MYO10: variants seen among roughly 807,000 people sequenced by gnomAD.
The protein encoded by MYO10 is myosin X.
A neutral mutation model predicts 257.3 loss-of-function variants in MYO10; 133 were observed. That is an observed-to-expected ratio of 0.52 (90% confidence interval 0.45 to 0.60). MYO10 has a LOEUF of 0.60. Among genes scored for constraint, MYO10 ranks in the 20% least tolerant of loss-of-function variants. The pLI is 0.00. For missense variants in MYO10, 2,399 were observed against 2,635.7 expected (o/e 0.91, Z 1.97); for synonymous variants, 1,104 against 1,028.6 (o/e 1.07, Z -1.40).
intron 31 of MYO10, 101 bp from the exon 32 acceptor site, chr5:16,681,604 C>A: frequency 7.8e-7 from 1 of 1,287,094 alleles, no homozygotes; most frequent in Non-Finnish European, 1.1e-6. Context: ...GGGTTTCTAG[C>A]TGTTTGCCAG....
chr5:16,922,013 G>A (rs77538078), intron 1 of MYO10, among the ~76,000 whole-genome samples: 14 of 152,162 alleles, frequency 9.2e-5, no homozygotes, highest in Non-Finnish European at 1.2e-4. Context: ...TCAGGAGTTC[G>A]AGACCACCCT....
intron 1 of MYO10, among the ~76,000 whole-genome samples, chr5:16,922,149 G>A (rs1580154279): frequency 2.0e-5 from 3 of 151,986 alleles, no homozygotes; most frequent in South Asian, 2.1e-4. Flanking sequence ...GGGAGGCAGA[G>A]GCTGCAGTGA....
chr5:16,729,107 T>G (rs566843982), intron 19 of MYO10, among the ~76,000 whole-genome samples: 1 of 152,332 alleles, frequency 6.6e-6, no homozygotes, highest in South Asian at 2.1e-4. Flanking sequence ...TTGAGATGCA[T>G]TGTTCTAGAA....
intron 18 of MYO10, among the ~76,000 whole-genome samples, chr5:16,756,644 G>C (rs930125412): frequency 6.6e-6 from 1 of 152,094 alleles, no homozygotes; most frequent in African/African-American, 2.4e-5. Flanking sequence ...ATTCTCACGA[G>C]GTGTCCTGTC....
At chr5:16,710,029 C>T (rs974798543) in intron 21 of MYO10, among the ~76,000 whole-genome samples, 1 of 152,178 alleles carries the variant, frequency 6.6e-6, no homozygotes, top group Non-Finnish European at 1.5e-5. Flanking sequence ...TCTTTCCTTT[C>T]CTCTTTTTAT....
chr5:16,900,970 C>T (rs1745361764), intron 1 of MYO10, among the ~76,000 whole-genome samples: 1 of 152,084 alleles, frequency 6.6e-6, no homozygotes, highest in Non-Finnish European at 1.5e-5. Flanking sequence ...AAACTCCTGA[C>T]CTGAGGTGAT....
chr5:16,789,403 G>T (rs1176117553), intron 4 of MYO10, among the ~76,000 whole-genome samples: 16 of 152,120 alleles, frequency 1.1e-4, no homozygotes, highest in Admixed American at 1.0e-3. Flanking sequence ...AGATGAACTT[G>T]GGAAACTTCT....
At chr5:16,861,800 G>T (rs1477476840) in intron 2 of MYO10, among the ~76,000 whole-genome samples, 1 of 152,104 alleles carries the variant, frequency 6.6e-6, no homozygotes, top group Non-Finnish European at 1.5e-5. Context: ...TGAAAAAGTG[G>T]AAAGATGATA....
intron 2 of MYO10, chr5:16,853,971 A>G (rs1743888623): frequency 6.6e-6 from 1 of 152,226 alleles, no homozygotes; most frequent in East Asian, 1.9e-4. Context: ...ATATGAGACT[A>G]TAACTAGAAA....
At chr5:16,771,630 C>T (rs1340648982) in intron 9 of MYO10, among the ~76,000 whole-genome samples, 3 of 149,966 alleles carry the variant, frequency 2.0e-5, no homozygotes, top group South Asian at 2.1e-4. Flanking sequence ...CCTGCACTGG[C>T]GGGCAGTGGT....
chr5:16,932,385 T>A (rs1746315307), intron 1 of MYO10, among the ~76,000 whole-genome samples: 1 of 152,184 alleles, frequency 6.6e-6, no homozygotes, highest in Non-Finnish European at 1.5e-5. Context: ...CCTGAAGACA[T>A]GAAAACAGTG....
At chr5:16,764,113 C>T (rs1740798472) in intron 12 of MYO10, 137 bp downstream of exon 12, 2 of 1,023,606 alleles carry the variant, frequency 2.0e-6, no homozygotes, top group African/African-American at 1.6e-5. Context: ...CGCCACTGCA[C>T]TCCAGCCTGG....
intron 39 of MYO10, 74 bp downstream of exon 39, chr5:16,670,452 A>G: frequency 2.2e-6 from 3 of 1,348,776 alleles, no homozygotes; most frequent in African/African-American, 1.5e-5. Flanking sequence ...TTCTCTCCAC[A>G]TGAACTTGGC....
intron 21 of MYO10, among the ~76,000 whole-genome samples, chr5:16,709,128 G>C (rs1332187402): frequency 6.6e-6 from 1 of 152,226 alleles, no homozygotes; most frequent in African/African-American, 2.4e-5. Context: ...TCAGGGCTAA[G>C]AAGAGGATGA....
intron 2 of MYO10, among the ~76,000 whole-genome samples, chr5:16,821,111 T>G (rs1181975529): frequency 1.4e-5 from 2 of 147,474 alleles, no homozygotes; most frequent in South Asian, 2.1e-4. Context: ...ATATAATATA[T>G]AAAATGTTTT....
chr5:16,822,390 G>A (rs1742847170), intron 2 of MYO10, among the ~76,000 whole-genome samples: 1 of 152,160 alleles, frequency 6.6e-6, no homozygotes, highest in Non-Finnish European at 1.5e-5. Flanking sequence ...TGGGGATCGA[G>A]CTTACATTCC....
Position 16,665,579 on chromosome 5 carries a change from T to A in MYO10, c.*1113A>T, listed in dbSNP as rs1217810497. ...AAAGCCTCAGCATTTAATGTCAGGG[T>A]CCTTTGAAGATTCACTCAAGTGTTA... On this transcript the variant is annotated 3_prime_UTR_variant, in exon 41 of 41. Coordinates refer to ENST00000513610, the MANE Select transcript of MYO10 (RefSeq NM_012334.3). 6.6e-6 allele frequency: 1 copy of A among 152,194 alleles called. No homozygotes were observed. The highest frequency in any genetic ancestry group is 1.5e-5 in the Non-Finnish European group (1 of 68,036). The allele number at this position is 152,194 out of a possible 1,614,324, so 9.4% of individuals were successfully genotyped here. A position where few individuals can be genotyped will look rare whatever the true frequency, so the allele number is the denominator to read the frequency against.
chr5:16,710,967 T>C lies in MYO10; in HGVS notation c.2110A>G (p.Thr704Ala). The change falls in exon 21 of 41, where the codon ACG becomes GCG. Residue 704 changes from threonine (T) to alanine (A), a missense_variant. By Grantham distance (58) the Thr-to-Ala change is moderately conservative. Around this residue, in one of 3 missense-constraint regions of MYO10, gnomAD observed 1,820 missense variants for 1,939.4 expected, o/e 0.94. Transcript: ENST00000513610. Reference protein sequence around the residue: ...ALPEDVRGKCTSLLQLYDASN... With the variant: ...ALPEDVRGKCASLLQLYDASN... The stretch of plus-strand genomic sequence containing the variant: ...GCATCATAGAGCTGCAGCAGGCTCG[T>C]GCACTTCCCTCGGACGTCCTCAGGC... 1 of 1,613,958 alleles carries C rather than the reference T, an allele frequency of 6.2e-7. No homozygotes were observed. The highest frequency in any genetic ancestry group is 8.5e-7 in the Non-Finnish European group (1 of 1,179,886).
chr5:16,861,254 A>AT (rs141940190), intron 2 of MYO10, among the ~76,000 whole-genome samples: 5,571 of 149,210 alleles, frequency 0.037, 362 homozygotes, highest in African/African-American at 0.13. Flanking sequence ...CCCTACAGCA[A>AT]TAAAAAAAAA....
Sources: allele counts gnomAD v4.1 joint callset (sites outside exome capture counted in the v4.1 genomes callset), GRCh38; gene constraint gnomAD v4.1.1; regional missense constraint gnomAD v4.1.1; transcripts MANE v1.5; gene names NCBI Gene and HGNC (gene_info 2026-07-23, HGNC 2026-07-21).